The following RYR3 variants were observed in gnomAD, a reference collection of about 807,000 sequenced individuals.
RYR3 encodes the protein ryanodine receptor 3.
RYR3 carries 207 observed loss-of-function variants against 584.3 expected under a neutral mutation model. The ratio of observed to expected loss-of-function variants is 0.35; its 90% confidence interval spans 0.32 to 0.40. The LOEUF (loss-of-function observed/expected upper bound fraction) is 0.40, where lower values mean the gene tolerates loss of function less well. Among genes scored for constraint, RYR3 ranks in the 10% least tolerant of loss-of-function variants. RYR3 has a pLI of 1.00. For missense variants in RYR3, 5,616 were observed against 6,089.2 expected, an observed-to-expected ratio of 0.92 and a Z score of 2.59; for synonymous variants, 2,416 against 2,248.5, an observed-to-expected ratio of 1.07 and a Z score of -2.11.
At chr15:33,496,842 T>G (rs904227266) in intron 2 of RYR3, among the ~76,000 whole-genome samples, 4 of 152,096 alleles carry the variant, frequency 2.6e-5, no homozygotes, top group Non-Finnish European at 4.4e-5. Context: ...ATGCCAAACC[T>G]CTCAATTTAG....
intron 12 of RYR3, among the ~76,000 whole-genome samples, chr15:33,572,108 C>T (rs994262605): frequency 6.6e-6 from 1 of 152,056 alleles, no homozygotes; most frequent in Admixed American, 6.6e-5. Flanking sequence ...GATAATATTG[C>T]CACATATATT....
intron 1 of RYR3, among the ~76,000 whole-genome samples, chr15:33,428,051 G>A (rs553921058): frequency 1.3e-5 from 2 of 152,332 alleles, no homozygotes; most frequent in East Asian, 3.9e-4. Context: ...ATGGTGCCAT[G>A]CATTGTCTGT....
chr15:33,403,538 T>A (rs1030394941), intron 1 of RYR3, among the ~76,000 whole-genome samples: 1 of 152,200 alleles, frequency 6.6e-6, no homozygotes, highest in African/African-American at 2.4e-5. Context: ...AATATAAATA[T>A]CCTTAATAGG....
At chr15:33,383,211 A>G (rs538121293) in intron 1 of RYR3, among the ~76,000 whole-genome samples, 10 of 150,344 alleles carry the variant, frequency 6.7e-5, no homozygotes, top group Non-Finnish European at 1.3e-4. Context: ...AATGATGAGC[A>G]TGTCAGAGCT....
chr15:33,652,391 G>A lies in RYR3; in HGVS notation c.4143-327G>A, dbSNP rs929029947. Among the ~76,000 whole-genome samples, 6 of 152,080 alleles carry A rather than the reference G, an allele frequency of 3.9e-5. 1 individual carries two copies. The highest frequency in any genetic ancestry group is 2.1e-4 in the South Asian group (1 of 4,814). The stretch of plus-strand genomic sequence containing the variant: ...CATTCACTCCGTGCCTCAATTTCCC[G>A]TCTCTTTGGTGGGATACTGCCGTTC... On this transcript the variant is annotated intron_variant, in intron 31 of 103. Transcript: ENST00000634891.
At chr15:33,608,817 GAC>G (rs1485493646) in intron 18 of RYR3, among the ~76,000 whole-genome samples, 1 of 152,228 alleles carries the variant, frequency 6.6e-6, no homozygotes, top group Non-Finnish European at 1.5e-5. Flanking sequence ...GGTGGGAAAA[GAC>G]AGTGTCTTTC....
chr15:33,708,526 T>G (rs547816701), intron 43 of RYR3, among the ~76,000 whole-genome samples: 2 of 152,308 alleles, frequency 1.3e-5, no homozygotes, highest in South Asian at 4.1e-4. Flanking sequence ...GGTCCACCCC[T>G]TTTGTTTTCA....
chr15:33,587,260 G>A (rs2058901112), intron 16 of RYR3, among the ~76,000 whole-genome samples: 3 of 152,194 alleles, frequency 2.0e-5, no homozygotes, highest in Non-Finnish European at 4.4e-5. Flanking sequence ...GTTCCAACAT[G>A]TTCCTTCCTG....
chr15:33,663,517 A>G lies in RYR3; in HGVS notation c.5419-20A>G, dbSNP rs2063291567. 3.1e-6 allele frequency: 5 copies of G among 1,608,166 alleles called. 1 individual carries two copies. Among genetic ancestry groups the G allele is most frequent in the African/African-American group, 1.3e-5 (1 of 74,828 alleles). ...CACCAAAGTACACAAAGTGTTATCT[A>G]TATAATACTTTCATTGCAGATGTGT... On this transcript the variant is annotated intron_variant, in intron 35 of 103. Transcript: ENST00000634891.
At chr15:33,380,204 C>T (rs966847913) in intron 1 of RYR3, among the ~76,000 whole-genome samples, 1 of 152,082 alleles carries the variant, frequency 6.6e-6, no homozygotes, top group Non-Finnish European at 1.5e-5. Context: ...CAAGTTGACA[C>T]CTAATATTAA....
chr15:33,587,990 CT>C (rs1479962202), intron 16 of RYR3, among the ~76,000 whole-genome samples: 2 of 152,318 alleles, frequency 1.3e-5, no homozygotes, highest in East Asian at 3.9e-4. Flanking sequence ...GACTAATCCA[CT>C]TAGTTTTCGG....
chr15:33,684,648 A>G (rs957085974), intron 38 of RYR3, among the ~76,000 whole-genome samples: 12 of 152,194 alleles, frequency 7.9e-5, no homozygotes, highest in Non-Finnish European at 1.6e-4. Flanking sequence ...ACACATAATC[A>G]TCAGACTGAC....
intron 3 of RYR3, among the ~76,000 whole-genome samples, chr15:33,527,026 C>A (rs1159187056): frequency 1.3e-5 from 2 of 151,954 alleles, no homozygotes. Context: ...TGGGAGCATG[C>A]GTGTCTGAAA....
At position 33,310,994 on chromosome 15, in the gene RYR3, C is replaced by T. The variant is rs1427339204; in HGVS notation, c.-52C>T. On this transcript the variant is annotated 5_prime_UTR_variant, in exon 1 of 104. Coordinates refer to ENST00000634891, the MANE Select transcript of RYR3 (RefSeq NM_001036.6). ...CAGTCAGCGCACGCCGAGCGGCTGC[C>T]GGGGGAAGCAGAGGCGCCGGAGGCT... 4.8e-6 allele frequency: 7 copies of T among 1,469,418 alleles called. No homozygotes were observed. Among genetic ancestry groups the T allele is most frequent in the East Asian group, 2.5e-5 (1 of 39,444 alleles). 91.0% of individuals were successfully genotyped at this position (1,469,418 alleles called of 1,614,324 possible). A position where few individuals can be genotyped will look rare whatever the true frequency, so the allele number is the denominator to read the frequency against.
At chr15:33,719,220 C>T (rs895594878) in intron 43 of RYR3, among the ~76,000 whole-genome samples, 2 of 152,214 alleles carry the variant, frequency 1.3e-5, no homozygotes, top group African/African-American at 2.4e-5. Flanking sequence ...AATCAAGGGC[C>T]GGCTTCCTGG....
chr15:33,476,863 T>C (rs933703158), intron 2 of RYR3, among the ~76,000 whole-genome samples: 2 of 152,170 alleles, frequency 1.3e-5, no homozygotes, highest in African/African-American at 2.4e-5. Flanking sequence ...AGAGCAGATA[T>C]TCAGAATTTC....
intron 16 of RYR3, among the ~76,000 whole-genome samples, chr15:33,593,939 A>G (rs559603419): frequency 6.6e-6 from 1 of 152,312 alleles, no homozygotes; most frequent in East Asian, 1.9e-4. Flanking sequence ...ATAGGCTTTT[A>G]AATGGGCTTT....
intron 15 of RYR3, 35 bp from the exon 16 acceptor site, chr15:33,585,963 A>G (rs755424995): frequency 7.5e-7 from 1 of 1,325,902 alleles, no homozygotes. Context: ...CAGGGCATTT[A>G]ATGTCCAAAT....
intron 60 of RYR3, among the ~76,000 whole-genome samples, chr15:33,760,410 T>A (rs1258531365): frequency 6.6e-6 from 1 of 152,060 alleles, no homozygotes; most frequent in Non-Finnish European, 1.5e-5. Context: ...TGGAGAAATA[T>A]TTACCAAGCA....
Sources: gnomAD v4.1 joint callset for allele counts (sites outside exome capture counted in the v4.1 genomes callset) on GRCh38, gnomAD v4.1.1 for gene constraint, MANE v1.5 for transcripts, NCBI Gene and HGNC (gene_info 2026-07-23, HGNC 2026-07-21) for gene names.